The following TMEM151B variants were observed in gnomAD, a reference collection of about 807,000 sequenced individuals.
The protein encoded by TMEM151B is transmembrane protein 193.
A neutral mutation model predicts 33.0 loss-of-function variants in TMEM151B; 18 were observed. That is an observed-to-expected ratio of 0.55 (90% CI 0.38 to 0.81). The LOEUF (loss-of-function observed/expected upper bound fraction) is 0.81, where lower values mean the gene tolerates loss of function less well. Ranked by LOEUF, TMEM151B falls within the 30% of genes least tolerant of loss-of-function variation. The pLI is 0.00. For missense variants in TMEM151B, 672 were observed against 843.4 expected, an observed-to-expected ratio of 0.80 and a Z score of 2.52; for synonymous variants, 354 against 373.6, an observed-to-expected ratio of 0.95 and a Z score of 0.61.
chr6:44,275,783 G>A lies in TMEM151B; in HGVS notation c.957G>A (p.Glu319=). 1.3e-6 allele frequency: 2 copies of A among 1,543,470 alleles called. No individual in the cohort carries two copies. The highest frequency in any genetic ancestry group is 1.7e-6 in the Non-Finnish European group (2 of 1,145,020). The change falls in exon 3 of 3, where the codon GAG becomes GAA. Residue 319 remains glutamate (E), a synonymous_variant. Coordinates refer to ENST00000451188, the MANE Select transcript of TMEM151B (RefSeq NM_001137560.2). ...TLSWPLRVLA[E]YRTAYAHYHV... ...CGTGGCCGCTGCGAGTGCTGGCCGA[G>A]TACCGCACGGCCTACGCGCACTACC... is the stretch of plus-strand genomic sequence containing the variant.
rs1320438860 is a variant in TMEM151B, at chr6:44,273,248, C to T, written c.318C>T (p.Ser106=). The T allele has an allele frequency of 7.7e-6, 12 of 1,551,670 alleles. No homozygotes were observed. Among genetic ancestry groups the T allele is most frequent in the African/African-American group, 1.4e-5 (1 of 73,184 alleles). ...YQGNSLMYHD[S]PCSNGYVYIP... Reference sequence around the variant, plus strand: ...GCAACAGCCTCATGTACCATGACAGCCCCTGCTCCAACGGCTATGTCTACA... The same window carrying T: ...GCAACAGCCTCATGTACCATGACAGTCCCTGCTCCAACGGCTATGTCTACA... The change falls in exon 2 of 3, where the codon AGC becomes AGT. Residue 106 remains serine (S), a synonymous_variant. Transcript: ENST00000451188.
chr6:44,273,026 T>C, intron 1 of TMEM151B, 40 bp from the exon 2 acceptor site: 1 of 1,457,576 alleles, frequency 6.9e-7, no homozygotes. Flanking sequence ...TGCTCTCACT[T>C]CCCACTCATC....
chr6:44,276,494 C>T lies in TMEM151B; in HGVS notation c.1668C>T (p.His556=), dbSNP rs1035600129. ...GCLGHSHRPL[H]RHGSCVETSL Reference sequence around the variant, plus strand: ...TGGGCCACAGCCACCGGCCGCTGCACCGCCACGGCTCCTGCGTAGAGACCT... The same window carrying T: ...TGGGCCACAGCCACCGGCCGCTGCATCGCCACGGCTCCTGCGTAGAGACCT... Residue 556 remains histidine (H), a synonymous_variant, in exon 3 of 3, where the codon CAC becomes CAT. Coordinates refer to ENST00000451188, the MANE Select transcript of TMEM151B (RefSeq NM_001137560.2). 1.4e-6 allele frequency: 2 copies of T among 1,430,436 alleles called. No individual in the cohort carries two copies. The highest frequency in any genetic ancestry group is 2.5e-5 in the Admixed American group (1 of 40,698). The allele number at this position is 1,430,436 out of a possible 1,614,324, so 88.6% of individuals were successfully genotyped here.
chr6:44,273,817 T>C (rs1782461563), intron 2 of TMEM151B, among the ~76,000 whole-genome samples: 1 of 152,228 alleles, frequency 6.6e-6, no homozygotes, highest in Non-Finnish European at 1.5e-5. Context: ...AGAGTTTAAG[T>C]AATGTGTCTA....
Position 44,273,291 on chromosome 6 carries a change from C to T in TMEM151B, c.361C>T (p.Leu121Phe). The change falls in exon 2 of 3, where the codon CTC (leucine) becomes TTC (phenylalanine). Residue 121 changes from leucine to phenylalanine, a missense_variant. Leu to Phe is a conservative substitution (Grantham distance 22). Coordinates refer to ENST00000451188, the MANE Select transcript of TMEM151B (RefSeq NM_001137560.2). ...TGTCTACATCCCCCTGGCCTTCCTG[C>T]TCATGTTGTACGCCGTCTACCTGGT... Reference protein sequence around the residue: ...GYVYIPLAFLLMLYAVYLVEC... With the variant: ...GYVYIPLAFLFMLYAVYLVEC... 1 of 1,551,784 alleles carries T rather than the reference C, an allele frequency of 6.4e-7. No homozygotes were observed. Among genetic ancestry groups the T allele is most frequent in the Non-Finnish European group, 8.7e-7 (1 of 1,147,024 alleles).
Position 44,275,552 on chromosome 6 carries a change from C to CG in TMEM151B, c.727dup (p.Val243GlyfsTer40). On this transcript the variant is annotated frameshift_variant, in exon 3 of 3. Transcript: ENST00000451188. LOFTEE classifies it high-confidence loss of function. ...TCACCAAGTGCTTCAGTTTCGCCAGCGTGGAGGCCGAGAACGCGTACCTGT... is the reference window on the plus strand; with the variant it reads ...TCACCAAGTGCTTCAGTTTCGCCAGCGGTGGAGGCCGAGAACGCGTACCTGT... The CG allele has an allele frequency of 6.4e-7, 1 of 1,550,632 alleles. No individual in the cohort carries two copies. Among genetic ancestry groups the CG allele is most frequent in the Non-Finnish European group, 8.7e-7 (1 of 1,146,620 alleles).
rs1020107593 is a variant in TMEM151B, at chr6:44,276,482, C to G, written c.1656C>G (p.His552Gln). The G allele has an allele frequency of 2.1e-5, 31 of 1,446,838 alleles. No individual in the cohort carries two copies. The highest frequency in any genetic ancestry group is 2.7e-5 in the Non-Finnish European group (30 of 1,097,848). The allele number at this position is 1,446,838 out of a possible 1,614,324, so 89.6% of individuals were successfully genotyped here. A position where few individuals can be genotyped will look rare whatever the true frequency, so the allele number is the denominator to read the frequency against. The change falls in exon 3 of 3, where the codon CAC becomes CAG. Residue 552 changes from histidine (H) to glutamine (Q), a missense_variant. Physicochemically the swap from His to Gln is conservative, Grantham distance 24. This residue lies in a region of TMEM151B where 324 missense variants were observed against 363.1 expected (regional missense o/e 0.89). Transcript: ENST00000451188. ...AGGAGGGGTGTCTGGGCCACAGCCA[C>G]CGGCCGCTGCACCGCCACGGCTCCT... ...HRQEGCLGHS[H>Q]RPLHRHGSCV...
intron 1 of TMEM151B, among the ~76,000 whole-genome samples, chr6:44,271,323 CG>C (rs1554142814): frequency 7.2e-6 from 1 of 139,854 alleles, no homozygotes; most frequent in Admixed American, 7.3e-5. Flanking sequence ...CAGATGTGTA[CG>C]GGGGGTCCCG....
Position 44,276,681 on chromosome 6 carries a change from C to T in TMEM151B, c.*154C>T, listed in dbSNP as rs1782604682. On this transcript the variant is annotated 3_prime_UTR_variant, in exon 3 of 3. Coordinates refer to ENST00000451188, the MANE Select transcript of TMEM151B (RefSeq NM_001137560.2). ...GCCGCAAGACAGGCCCGGATGGGGC[C>T]GAGACCCCCGCTGTCCCTGTACATA... The T allele has an allele frequency of 4.8e-6, 6 of 1,260,634 alleles. No homozygotes were observed. The highest frequency in any genetic ancestry group is 5.0e-6 in the Non-Finnish European group (5 of 1,002,208). The allele number at this position is 1,260,634 out of a possible 1,614,324, so 78.1% of individuals were successfully genotyped here.
chr6:44,270,519 C>CCCCCGG lies in TMEM151B; in HGVS notation c.-213_-208dup, dbSNP rs1315115163. On this transcript the variant is annotated 5_prime_UTR_variant, in exon 1 of 3. Coordinates refer to ENST00000451188, the MANE Select transcript of TMEM151B (RefSeq NM_001137560.2). ...CGCGAGGGCCTCAAGGTGACACCCG[C>CCCCCGG]CCCCGGCCCCGGCCCCCCCCGGCCC... 3 of 139,466 alleles carry CCCCCGG rather than the reference C, an allele frequency of 2.2e-5. No homozygotes were observed. Among genetic ancestry groups the CCCCCGG allele is most frequent in the African/African-American group, 3.0e-5 (1 of 33,474 alleles). The allele number at this position is 139,466 out of a possible 1,614,324, so 8.6% of individuals were successfully genotyped here.
chr6:44,275,581 A>G lies in TMEM151B; in HGVS notation c.755A>G (p.Gln252Arg), dbSNP rs1240370709. The G allele has an allele frequency of 1.4e-5, 22 of 1,550,864 alleles. No homozygotes were observed. The highest frequency in any genetic ancestry group is 1.9e-5 in the Non-Finnish European group (22 of 1,146,710). ...GAGGCCGAGAACGCGTACCTGTGCC[A>G]GCGCGCGCGCTTCTTCGCAGAGAAC... ...SVEAENAYLC[Q>R]RARFFAENEG... The change falls in exon 3 of 3, where the codon CAG becomes CGG. Residue 252 changes from glutamine (Q) to arginine (R), a missense_variant. Transcript: ENST00000451188.
Position 44,277,875 on chromosome 6 carries a change from C to T in TMEM151B, c.*1348C>T, listed in dbSNP as rs1368947433. 1 of 152,716 alleles carries T rather than the reference C, an allele frequency of 6.5e-6. No individual in the cohort carries two copies. The highest frequency in any genetic ancestry group is 2.4e-5 in the African/African-American group (1 of 41,440). The allele number at this position is 152,716 out of a possible 1,614,324, so 9.5% of individuals were successfully genotyped here. On this transcript the variant is annotated 3_prime_UTR_variant, in exon 3 of 3. Coordinates refer to ENST00000451188, the MANE Select transcript of TMEM151B (RefSeq NM_001137560.2). ...TCTCCGTGTGCTCCCCCCACCACCT[C>T]CACCCTGATGTGCTTCAGTGTGCAT...
chr6:44,274,469 G>C (rs887219273), intron 2 of TMEM151B, among the ~76,000 whole-genome samples: 1 of 152,192 alleles, frequency 6.6e-6, no homozygotes, highest in Non-Finnish European at 1.5e-5. Flanking sequence ...GCACTTTGTG[G>C]ACTCGCCAGG....
intron 1 of TMEM151B, among the ~76,000 whole-genome samples, chr6:44,271,680 G>A (rs943313120): frequency 6.6e-6 from 1 of 152,102 alleles, no homozygotes; most frequent in African/African-American, 2.4e-5. Flanking sequence ...AAGGCTCCCC[G>A]AAAGGCACAT....
chr6:44,272,143 G>A (rs1053200606), intron 1 of TMEM151B, among the ~76,000 whole-genome samples: 2 of 152,152 alleles, frequency 1.3e-5, no homozygotes, highest in African/African-American at 4.8e-5. Context: ...TGTGCCAGGA[G>A]CTTTAACAGA....
Position 44,273,149 on chromosome 6 carries a change from C to T in TMEM151B, c.219C>T (p.Tyr73=), listed in dbSNP as rs1047412820. 7.8e-6 allele frequency: 12 copies of T among 1,543,206 alleles called. No homozygotes were observed. The highest frequency in any genetic ancestry group is 5.9e-5 in the Admixed American group (3 of 50,798). Reference sequence around the variant, plus strand: ...GCCTCCTGCTCTCGCTGCTCATGTACGGCTGCCTGGGGGCAGTGGCCTGGT... The same window carrying T: ...GCCTCCTGCTCTCGCTGCTCATGTATGGCTGCCTGGGGGCAGTGGCCTGGT... ...WKCLLLSLLM[Y]GCLGAVAWCH... Residue 73 remains tyrosine, a synonymous_variant, in exon 2 of 3, where the codon TAC becomes TAT. Transcript: ENST00000451188.
chr6:44,271,219 T>C (rs1268041286), intron 1 of TMEM151B, among the ~76,000 whole-genome samples: 9 of 151,610 alleles, frequency 5.9e-5, no homozygotes, highest in Admixed American at 5.9e-4. Flanking sequence ...GATGCTACCT[T>C]GAAGGCCAGG....
Position 44,270,727 on chromosome 6 carries a change from G to A in TMEM151B, c.-16G>A, listed in dbSNP as rs1425001546. The A allele has an allele frequency of 1.7e-5, 18 of 1,071,368 alleles. 1 individual carries two copies. Among genetic ancestry groups the A allele is most frequent in the Non-Finnish European group, 1.7e-5 (15 of 871,688 alleles). 66.4% of individuals were successfully genotyped at this position (1,071,368 alleles called of 1,614,324 possible). On this transcript the variant is annotated 5_prime_UTR_variant, in exon 1 of 3. Transcript: ENST00000451188. ...CCCCCCGGGAGGTCCTGAGCTCGAC[G>A]CGCCCCCTCTACGCCATGTCCCCCC...
chr6:44,276,381 G>A lies in TMEM151B; in HGVS notation c.1555G>A (p.Asp519Asn). ...GGCCAGCATGGGGGACGACGAGGAC[G>A]ACGACGAGGAGGAGGCCGGGCCGCC... ...SQASMGDDED[D>N]DEEEAGPPPP... Residue 519 changes from aspartate (D) to asparagine (N), a missense_variant, in exon 3 of 3, where the codon GAC (aspartate) becomes AAC (asparagine). Coordinates refer to ENST00000451188, the MANE Select transcript of TMEM151B (RefSeq NM_001137560.2). The A allele has an allele frequency of 6.6e-7, 1 of 1,514,876 alleles. No homozygotes were observed. The highest frequency in any genetic ancestry group is 8.8e-7 in the Non-Finnish European group (1 of 1,137,038). 93.8% of individuals were successfully genotyped at this position (1,514,876 alleles called of 1,614,324 possible).
Sources: allele counts gnomAD v4.1 joint callset (sites outside exome capture counted in the v4.1 genomes callset), GRCh38; gene constraint gnomAD v4.1.1; regional missense constraint gnomAD v4.1.1; transcripts MANE v1.5; gene names NCBI Gene and HGNC (gene_info 2026-07-23, HGNC 2026-07-21).